AGK: variants seen among roughly 807,000 people sequenced by gnomAD.
AGK encodes acylglycerol kinase.
Under a neutral mutation model 66.4 loss-of-function variants are expected in AGK, and 52 were observed. The observed-to-expected ratio is 0.78, with a 90% CI of 0.63 to 0.99. AGK has a LOEUF of 0.99. Among genes scored for constraint, AGK ranks in the 50% least tolerant of loss-of-function variants. The pLI is 0.00. For missense variants in AGK, 451 were observed against 506.6 expected (o/e 0.89, Z 1.05); for synonymous variants, 182 against 181.1 (o/e 1.00, Z -0.04).
intron 2 of AGK, among the ~76,000 whole-genome samples, chr7:141,574,783 A>G (rs1562961950): frequency 1.3e-5 from 2 of 152,244 alleles, no homozygotes; most frequent in Admixed American, 1.3e-4. Flanking sequence ...ACCTGAGTGC[A>G]TAGAAGTGTA....
At chr7:141,566,714 C>G (rs80291337) in intron 2 of AGK, among the ~76,000 whole-genome samples, 5,136 of 152,282 alleles carry the variant, frequency 0.034, 137 homozygotes, top group South Asian at 0.14. Flanking sequence ...GCTGAAGCTG[C>G]CATCCTCCTG....
intron 5 of AGK, among the ~76,000 whole-genome samples, chr7:141,609,414 C>T (rs1796531316): frequency 6.6e-6 from 1 of 152,186 alleles, no homozygotes; most frequent in African/African-American, 2.4e-5. Flanking sequence ...AACTCAAACT[C>T]AGGAAAGCAC....
At chr7:141,593,999 A>G (rs1398878487) in intron 3 of AGK, 2 of 152,622 alleles carry the variant, frequency 1.3e-5, no homozygotes, top group East Asian at 1.9e-4. Context: ...TTGTTACAAT[A>G]GATACTATAA....
chr7:141,583,087 C>T (rs955525360), intron 2 of AGK, among the ~76,000 whole-genome samples: 3 of 151,856 alleles, frequency 2.0e-5, no homozygotes, highest in East Asian at 1.9e-4. Context: ...GCCCATTTTA[C>T]GACAAGAATT....
chr7:141,584,239 A>G (rs925604519), intron 2 of AGK, among the ~76,000 whole-genome samples: 16 of 151,968 alleles, frequency 1.1e-4, no homozygotes, highest in African/African-American at 9.7e-5. Flanking sequence ...GGCAGGGGTG[A>G]GGGTCACAAG....
chr7:141,615,364 G>T lies in AGK; in HGVS notation c.424-107G>T, dbSNP rs916496263. ...AAGGATGTGGAAAGGAGATGGGGAG[G>T]CAGATACAGGGTCAGTTATTTGTCA... On this transcript the variant is annotated intron_variant, in intron 7 of 15. Coordinates refer to ENST00000649286, the MANE Select transcript of AGK (RefSeq NM_018238.4). The T allele has an allele frequency of 1.3e-5, 10 of 777,290 alleles. No homozygotes were observed. In the African/African-American group the frequency reaches 1.7e-4, roughly 14 times the overall value. The allele number at this position is 777,290 out of a possible 1,614,324, so 48.1% of individuals were successfully genotyped here. A position where few individuals can be genotyped will look rare whatever the true frequency, so the allele number is the denominator to read the frequency against.
chr7:141,562,082 A>G (rs1295882072), intron 2 of AGK: 4 of 455,884 alleles, frequency 8.8e-6, no homozygotes, highest in African/African-American at 4.0e-5. Flanking sequence ...AATGATGTAG[A>G]CTCTGTGAGG....
At chr7:141,623,945 A>C (rs1587140147) in intron 9 of AGK, among the ~76,000 whole-genome samples, 1 of 152,012 alleles carries the variant, frequency 6.6e-6, no homozygotes, top group Non-Finnish European at 1.5e-5. Flanking sequence ...GCCTTTAAAA[A>C]TTATGCTACA....
At position 141,552,762 on chromosome 7, in the gene AGK, G is replaced by A. The variant is rs149687453; in HGVS notation, c.-15+1328G>A. 2.9e-3 allele frequency among the ~76,000 whole-genome samples: 442 copies of A among 152,278 alleles called. 4 individuals are homozygous for A. Among genetic ancestry groups the A allele is most frequent in the African/African-American group, 9.9e-3 (410 of 41,562 alleles). On this transcript the variant is annotated intron_variant, in intron 1 of 15. Transcript: ENST00000649286. ...TTCTGTATAAGACCCTTCAGTGAGA[G>A]GTGCTCATCCTGTAAGTATAGGATC...
chr7:141,607,111 A>C (rs1796480337), intron 5 of AGK, among the ~76,000 whole-genome samples: 1 of 152,146 alleles, frequency 6.6e-6, no homozygotes, highest in Admixed American at 6.5e-5. Context: ...AAATTGCTAT[A>C]AACATTAATG....
chr7:141,630,550 T>C (rs1477601680), intron 9 of AGK, among the ~76,000 whole-genome samples: 1 of 152,104 alleles, frequency 6.6e-6, no homozygotes, highest in Non-Finnish European at 1.5e-5. Flanking sequence ...AATAATAATT[T>C]ATGTTTTGTT....
chr7:141,604,807 C>G (rs1796422818), intron 5 of AGK, among the ~76,000 whole-genome samples: 1 of 152,016 alleles, frequency 6.6e-6, no homozygotes, highest in Admixed American at 6.6e-5. Flanking sequence ...TGGTCTCGAT[C>G]TCTTGACCTC....
chr7:141,586,236 T>TA (rs1259715385), intron 2 of AGK, among the ~76,000 whole-genome samples: 2 of 152,184 alleles, frequency 1.3e-5, no homozygotes, highest in African/African-American at 4.8e-5. Context: ...CTTGATCTGG[T>TA]AACGTTTTTG....
At chr7:141,647,989 A>G (rs1797458856) in intron 13 of AGK, among the ~76,000 whole-genome samples, 1 of 152,308 alleles carries the variant, frequency 6.6e-6, no homozygotes, top group East Asian at 1.9e-4. Flanking sequence ...TTTATTTTTT[A>G]GTTGACAAAC....
chr7:141,580,073 T>A (rs1171391042), intron 2 of AGK, among the ~76,000 whole-genome samples: 1 of 151,936 alleles, frequency 6.6e-6, no homozygotes, highest in Non-Finnish European at 1.5e-5. Flanking sequence ...TGAGAAGAGT[T>A]TTTATTAAAG....
intron 13 of AGK, among the ~76,000 whole-genome samples, chr7:141,646,851 A>G (rs1354263888): frequency 6.6e-6 from 1 of 152,204 alleles, no homozygotes; most frequent in Non-Finnish European, 1.5e-5. Context: ...ATGGTCTGCA[A>G]GCCTACAGTG....
rs184859876 is a variant in AGK, at chr7:141,633,011, C to T, written c.589-890C>T. Among the ~76,000 whole-genome samples, 12 of 152,280 alleles carry T rather than the reference C, an allele frequency of 7.9e-5. No homozygotes were observed. The East Asian group carries it at 1.4e-3, about 17-fold the overall frequency. On this transcript the variant is annotated intron_variant, in intron 9 of 15. Coordinates refer to ENST00000649286, the MANE Select transcript of AGK (RefSeq NM_018238.4). ...AAGACAGCATGCTTTCTCTAGGCAG[C>T]GACTTGCACTGCCAAGGATTTGCCT... is the stretch of plus-strand genomic sequence containing the variant.
chr7:141,563,214 T>G (rs1795390221), intron 2 of AGK, among the ~76,000 whole-genome samples: 1 of 152,252 alleles, frequency 6.6e-6, no homozygotes, highest in Non-Finnish European at 1.5e-5. Context: ...CACTGTTCTG[T>G]CTGTCCAGGT....
At chr7:141,565,846 G>C (rs1336062596) in intron 2 of AGK, among the ~76,000 whole-genome samples, 1 of 152,138 alleles carries the variant, frequency 6.6e-6, no homozygotes, top group Non-Finnish European at 1.5e-5. Context: ...CCTCCTCACT[G>C]TTCTGGCACC....
Sources: allele counts gnomAD v4.1 joint callset (sites outside exome capture counted in the v4.1 genomes callset), GRCh38; gene constraint gnomAD v4.1.1; transcripts MANE v1.5; gene names NCBI Gene and HGNC (gene_info 2026-07-23, HGNC 2026-07-21).